DCC: variants seen among roughly 807,000 people sequenced by gnomAD.
DCC encodes DCC netrin 1 receptor.
A neutral mutation model predicts 172.5 loss-of-function variants in DCC; 58 were observed. The observed-to-expected ratio is 0.34, with a 90% CI of 0.27 to 0.42. The LOEUF (loss-of-function observed/expected upper bound fraction) is 0.42. DCC is among the 10% of genes least tolerant of loss of function. The pLI is 1.00. For missense variants in DCC, 1,740 were observed against 1,791.0 expected, an observed-to-expected ratio of 0.97 and a Z score of 0.51; for synonymous variants, 709 against 644.5, an observed-to-expected ratio of 1.10 and a Z score of -1.52.
intron 5 of DCC, among the ~76,000 whole-genome samples, chr18:53,008,498 C>T (rs74325060): frequency 0.11 from 17,443 of 151,908 alleles, 1,369 homozygotes; most frequent in East Asian, 0.3. Flanking sequence ...TTTTGTTCTA[C>T]GTAACGGGTT....
intron 12 of DCC, among the ~76,000 whole-genome samples, chr18:53,282,644 G>C (rs1015061622): frequency 1.1e-4 from 17 of 152,094 alleles, no homozygotes; most frequent in Non-Finnish European, 2.4e-4. Flanking sequence ...GTAGGCTAAT[G>C]TCTCTCCATA....
intron 5 of DCC, among the ~76,000 whole-genome samples, chr18:53,030,177 C>T (rs2143954777): frequency 6.6e-6 from 1 of 152,326 alleles, no homozygotes; most frequent in East Asian, 1.9e-4. Context: ...GAAACTTAGG[C>T]TTTCAGCCAA....
intron 15 of DCC, among the ~76,000 whole-genome samples, chr18:53,355,935 A>G (rs1179637803): frequency 6.6e-6 from 1 of 152,042 alleles, no homozygotes; most frequent in South Asian, 2.1e-4. Context: ...GGAATTGTTG[A>G]GATACTTCAT....
intron 13 of DCC, among the ~76,000 whole-genome samples, chr18:53,310,431 AT>A (rs969134119): frequency 4.7e-5 from 7 of 149,294 alleles, no homozygotes; most frequent in Non-Finnish European, 1.0e-4. Context: ...AGATACTCAA[AT>A]TTTTTTTTAC....
intron 1 of DCC, among the ~76,000 whole-genome samples, chr18:52,382,142 T>C (rs1382530666): frequency 6.6e-6 from 1 of 152,174 alleles, no homozygotes; most frequent in East Asian, 1.9e-4. Context: ...TGGACTTTCA[T>C]ATGTCTTAAT....
At chr18:53,199,690 A>T (rs1451426565) in intron 9 of DCC, among the ~76,000 whole-genome samples, 1 of 152,048 alleles carries the variant, frequency 6.6e-6, no homozygotes, top group East Asian at 1.9e-4. Context: ...TTTTGTGAAG[A>T]TGAGTAAGCA....
At chr18:52,796,068 TTTTC>T (rs2037870779) in intron 2 of DCC, among the ~76,000 whole-genome samples, 1 of 147,738 alleles carries the variant, frequency 6.8e-6, no homozygotes, top group Non-Finnish European at 1.5e-5. Context: ...TTACTTTTTT[TTTTC>T]TGCTTTTGGT....
chr18:53,509,784 A>G (rs1180374671), intron 27 of DCC, among the ~76,000 whole-genome samples: 2 of 152,144 alleles, frequency 1.3e-5, no homozygotes, highest in East Asian at 3.8e-4. Context: ...TCACCTGTGG[A>G]ACATAAACCA....
chr18:52,446,298 A>G (rs1988121621), intron 1 of DCC, among the ~76,000 whole-genome samples: 1 of 152,184 alleles, frequency 6.6e-6, no homozygotes, highest in African/African-American at 2.4e-5. Flanking sequence ...CTCGATTAAT[A>G]AGGAAAGAAG....
intron 1 of DCC, among the ~76,000 whole-genome samples, chr18:52,648,440 T>C (rs191601776): frequency 5.0e-4 from 76 of 152,318 alleles, no homozygotes; most frequent in Non-Finnish European, 8.2e-4. Flanking sequence ...TTAGTATAGA[T>C]GATTTGCAAA....
chr18:52,418,441 TC>T (rs1653487341), intron 1 of DCC, among the ~76,000 whole-genome samples: 1 of 152,150 alleles, frequency 6.6e-6, no homozygotes, highest in African/African-American at 2.4e-5. Flanking sequence ...GGGTGGCTTT[TC>T]CCTCAGAAGT....
At chr18:53,418,264 TACAA>T (rs936068758) in intron 21 of DCC, among the ~76,000 whole-genome samples, 2 of 152,124 alleles carry the variant, frequency 1.3e-5, no homozygotes, top group African/African-American at 4.8e-5. Flanking sequence ...TTCAAATTCT[TACAA>T]AGAAAGCATA....
chr18:52,351,992 G>A lies in DCC; in HGVS notation c.91+11114G>A, dbSNP rs1239915367. Among the ~76,000 whole-genome samples, 3 of 152,104 alleles carry A rather than the reference G, an allele frequency of 2.0e-5. No homozygotes were observed. In the East Asian group the frequency reaches 5.8e-4, roughly 29 times the overall value. The stretch of plus-strand genomic sequence containing the variant: ...GCCCTGTGGTCTTTGGTCTCGATAA[G>A]AGGGGGCATAGCCTAGGGGGAAAAA... On this transcript the variant is annotated intron_variant, in intron 1 of 28. Coordinates refer to ENST00000442544, the MANE Select transcript of DCC (RefSeq NM_005215.4).
intron 8 of DCC, among the ~76,000 whole-genome samples, chr18:53,166,775 CAA>C (rs1247936667): frequency 2.0e-5 from 3 of 151,916 alleles, no homozygotes; most frequent in Admixed American, 2.0e-4. Flanking sequence ...GAGAGGTAAA[CAA>C]AAAAGAGACA....
At chr18:52,820,320 T>C (rs1252575436) in intron 2 of DCC, among the ~76,000 whole-genome samples, 1 of 152,174 alleles carries the variant, frequency 6.6e-6, no homozygotes, top group Admixed American at 6.5e-5. Flanking sequence ...GATGAAAATG[T>C]CTTTGCCTAA....
intron 21 of DCC, among the ~76,000 whole-genome samples, chr18:53,422,979 A>G (rs1910717150): frequency 6.6e-6 from 1 of 152,174 alleles, no homozygotes; most frequent in African/African-American, 2.4e-5. Context: ...GTAGTAGCAG[A>G]AAATGAATAA....
intron 2 of DCC, among the ~76,000 whole-genome samples, chr18:52,792,814 AATTCCATTCT>A (rs1415259487): frequency 6.3e-4 from 84 of 133,246 alleles, no homozygotes; most frequent in South Asian, 2.5e-3. Flanking sequence ...CAGTTGATTC[AATTCCATTCT>A]ATTCCATTCT....
intron 1 of DCC, among the ~76,000 whole-genome samples, chr18:52,402,199 T>C (rs1171547899): frequency 6.6e-6 from 1 of 152,002 alleles, no homozygotes; most frequent in Non-Finnish European, 1.5e-5. Context: ...TAATGGTATA[T>C]ATGAAAGAGT....
At chr18:52,713,265 C>T (rs887750397) in intron 1 of DCC, among the ~76,000 whole-genome samples, 6 of 152,218 alleles carry the variant, frequency 3.9e-5, no homozygotes, top group African/African-American at 1.2e-4. Flanking sequence ...CCTCTGCTTA[C>T]ATGGACTCAC....
Sources: gnomAD v4.1 joint callset for allele counts (sites outside exome capture counted in the v4.1 genomes callset) on GRCh38, gnomAD v4.1.1 for gene constraint, MANE v1.5 for transcripts, NCBI Gene and HGNC (gene_info 2026-07-23, HGNC 2026-07-21) for gene names.